The following YIPF7 variants were observed in gnomAD, a reference collection of about 807,000 sequenced individuals.
YIPF7 encodes the protein Yip1 domain family member 7, also known as protein YIPF7.
A neutral mutation model predicts 27.2 loss-of-function variants in YIPF7; 35 were observed. The observed-to-expected ratio is 1.29, with a 90% CI of 0.98 to 1.70. The LOEUF is 1.70. YIPF7 is among the 40% of genes most tolerant of loss of function. YIPF7 has a pLI of 0.00. For missense variants in YIPF7, 358 were observed against 303.7 expected (o/e 1.18, Z -1.33); for synonymous variants, 137 against 110.4 (o/e 1.24, Z -1.51).
chr4:44,622,096 T>A lies in YIPF7; in HGVS notation c.*318A>T. 4.1e-6 allele frequency: 1 copy of A among 241,312 alleles called. No individual in the cohort carries two copies. The allele number at this position is 241,312 out of a possible 1,614,324, so 14.9% of individuals were successfully genotyped here. On this transcript the variant is annotated 3_prime_UTR_variant, in exon 6 of 6. Coordinates refer to ENST00000415895, the MANE Select transcript of YIPF7 (RefSeq NM_182592.3). The stretch of plus-strand genomic sequence containing the variant: ...AAAAGGCTTACTAGAGATTTCCTTT[T>A]AGTAAACATATGAGTTTATTTACTT...
At chr4:44,662,128 AAGACCCCT>A (rs1295422815) in intron 1 of YIPF7, among the ~76,000 whole-genome samples, 1 of 152,226 alleles carries the variant, frequency 6.6e-6, no homozygotes, top group Admixed American at 6.5e-5. Context: ...GATACATTAC[AAGACCCCT>A]AGTGGGTGCC....
chr4:44,651,836 T>C (rs550975919), upstream of YIPF7, among the ~76,000 whole-genome samples: 13 of 152,302 alleles, frequency 8.5e-5, no homozygotes, highest in African/African-American at 2.9e-4. Context: ...TACAATTCCC[T>C]TTTGTACATA....
At position 44,645,526 on chromosome 4, in the gene YIPF7, A is replaced by G. The variant is rs1427536571; in HGVS notation, c.116+4459T>C. Among the ~76,000 whole-genome samples, 6 of 152,328 alleles carry G rather than the reference A, an allele frequency of 3.9e-5. No homozygotes were observed. The South Asian group carries it at 1.2e-3, about 32-fold the overall frequency. ...TGTCAACGTTATATATTTGTACCTCACACACAATAAGACTTTTGCAGAATA... is the reference window on the plus strand; with the variant it reads ...TGTCAACGTTATATATTTGTACCTCGCACACAATAAGACTTTTGCAGAATA... On this transcript the variant is annotated intron_variant, in intron 2 of 5. Transcript: ENST00000415895.
intron 3 of YIPF7, among the ~76,000 whole-genome samples, chr4:44,634,062 G>C (rs182278618): frequency 1.3e-5 from 2 of 152,254 alleles, no homozygotes; most frequent in Non-Finnish European, 2.9e-5. Context: ...CCTAAGGACA[G>C]ACTCTATAAA....
At chr4:44,641,911 C>A (rs1713338439) in intron 2 of YIPF7, among the ~76,000 whole-genome samples, 1 of 152,276 alleles carries the variant, frequency 6.6e-6, no homozygotes, top group South Asian at 2.1e-4. Context: ...GGCACATCAT[C>A]AAAAACACTG....
At chr4:44,647,594 T>TC (rs1713573835) in intron 2 of YIPF7, among the ~76,000 whole-genome samples, 3 of 152,170 alleles carry the variant, frequency 2.0e-5, no homozygotes, top group Admixed American at 1.3e-4. Flanking sequence ...CTGTTTTTTT[T>TC]CACCTTCCAA....
At position 44,650,061 on chromosome 4, in the gene YIPF7, A is replaced by G; in HGVS notation, c.40T>C (p.Ser14Pro). 1 of 1,581,456 alleles carries G rather than the reference A, an allele frequency of 6.3e-7. No homozygotes were observed. The highest frequency in any genetic ancestry group is 8.6e-7 in the Non-Finnish European group (1 of 1,161,958). Residue 14 changes from serine (S) to proline (P), a missense_variant, in exon 2 of 6, where the codon TCT (serine) becomes CCT (proline). Ser to Pro is a moderately conservative substitution (Grantham distance 74). Transcript: ENST00000415895. ...TCCTGGTTATCAATAGTAAAATTAG[A>G]TTGGTAAAAATCAGAGTCAAATTGT... is the stretch of plus-strand genomic sequence containing the variant. ...LAQFDSDFYQ[S>P]NFTIDNQEQS...
chr4:44,643,377 T>G (rs1713404542), intron 2 of YIPF7, among the ~76,000 whole-genome samples: 1 of 152,142 alleles, frequency 6.6e-6, no homozygotes, highest in Admixed American at 6.5e-5. Context: ...ACAATCTATG[T>G]TTATATATGT....
At chr4:44,623,701 A>T (rs994168480) in intron 5 of YIPF7, among the ~76,000 whole-genome samples, 7 of 152,208 alleles carry the variant, frequency 4.6e-5, no homozygotes, top group Non-Finnish European at 1.0e-4. Context: ...AGAGTTGTTT[A>T]ATGTACTGTA....
In YIPF7 at chr4:44,630,889, A is replaced by G. The variant is rs566269448; in HGVS notation, c.281-1341T>C. Among the ~76,000 whole-genome samples the G allele has an allele frequency of 1.5e-3, 223 of 152,342 alleles. 1 individual carries two copies. The highest frequency in any genetic ancestry group is 0.01 in the Middle Eastern group (3 of 294). Reference sequence around the variant, plus strand: ...AAAGCGAATATTCAAAGAGAAGAGTATGACTTGACTATTTAGGGACCAGCA... The same window carrying G: ...AAAGCGAATATTCAAAGAGAAGAGTGTGACTTGACTATTTAGGGACCAGCA... On this transcript the variant is annotated intron_variant, in intron 3 of 5. Transcript: ENST00000415895.
chr4:44,661,963 A>G (rs1362392118), intron 1 of YIPF7, among the ~76,000 whole-genome samples: 3 of 152,196 alleles, frequency 2.0e-5, no homozygotes, highest in Non-Finnish European at 4.4e-5. Flanking sequence ...AGGTACTGTC[A>G]GCCTTTTTCT....
Position 44,640,101 on chromosome 4 carries a change from G to A in YIPF7, c.117-4016C>T, listed in dbSNP as rs115571760. ...GTTGCATTTGGTTTGCTAGTATTTT[G>A]TTGAGGATATTTGCATCTATGTTCA... is the stretch of plus-strand genomic sequence containing the variant. On this transcript the variant is annotated intron_variant, in intron 2 of 5. Transcript: ENST00000415895. Among the ~76,000 whole-genome samples, 521 of 152,160 alleles carry A rather than the reference G, an allele frequency of 3.4e-3. 2 individuals carry two copies. The highest frequency in any genetic ancestry group is 5.4e-3 in the Non-Finnish European group (369 of 67,978).
chr4:44,624,056 CTCTCT>C (rs1384265153), intron 5 of YIPF7, among the ~76,000 whole-genome samples: 4 of 150,524 alleles, frequency 2.7e-5, no homozygotes, highest in African/African-American at 9.8e-5. Flanking sequence ...TTTTTTCTCT[CTCTCT>C]TTTTTTTTTT....
chr4:44,625,102 T>C (rs1040001315), intron 4 of YIPF7, among the ~76,000 whole-genome samples: 1 of 152,220 alleles, frequency 6.6e-6, no homozygotes, highest in African/African-American at 2.4e-5. Flanking sequence ...TTTGTTCCCA[T>C]ATTTATTAAA....
At chr4:44,643,527 A>G (rs1713412068) in intron 2 of YIPF7, among the ~76,000 whole-genome samples, 1 of 152,212 alleles carries the variant, frequency 6.6e-6, no homozygotes, top group Non-Finnish European at 1.5e-5. Context: ...GCTACAAACA[A>G]TTGCATAAGT....
intron 2 of YIPF7, 128 bp downstream of exon 2, chr4:44,649,857 T>C (rs1419978853): frequency 5.0e-6 from 3 of 599,538 alleles, no homozygotes; most frequent in African/African-American, 1.9e-5. Flanking sequence ...GTGGGTCTAG[T>C]TTAGAGGGCA....
chr4:44,634,935 T>G (rs145082299), intron 3 of YIPF7, among the ~76,000 whole-genome samples: 1 of 152,316 alleles, frequency 6.6e-6, no homozygotes, highest in African/African-American at 2.4e-5. Flanking sequence ...ATCCAGAAAC[T>G]TGACTGGCTT....
At chr4:44,632,181 T>C (rs2109582407) in intron 3 of YIPF7, among the ~76,000 whole-genome samples, 1 of 152,320 alleles carries the variant, frequency 6.6e-6, no homozygotes, top group Admixed American at 6.5e-5. Context: ...TTATAAGGTA[T>C]GTGAGTGATT....
upstream of YIPF7, among the ~76,000 whole-genome samples, chr4:44,653,637 T>C (rs566913973): frequency 3.3e-5 from 5 of 152,280 alleles, no homozygotes; most frequent in Admixed American, 2.6e-4. Context: ...TCAGTTTCTA[T>C]TGAATAGGAG....
Sources: allele counts gnomAD v4.1 joint callset (sites outside exome capture counted in the v4.1 genomes callset), GRCh38; gene constraint gnomAD v4.1.1; transcripts MANE v1.5; gene names NCBI Gene and HGNC (gene_info 2026-07-23, HGNC 2026-07-21).